Variants in POC1A observed in about 807,000 individuals in gnomAD.
The protein encoded by POC1A is POC1 centriolar protein homolog A.
In POC1A, 34 loss-of-function variants were observed where a neutral mutation model predicts 47.8. That is an observed-to-expected ratio of 0.71 (90% confidence interval 0.54 to 0.95). POC1A has a LOEUF of 0.95. Among genes scored for constraint, POC1A ranks in the 40% least tolerant of loss-of-function variants. POC1A has a pLI of 0.00. For missense variants in POC1A, 466 were observed against 528.3 expected, an observed-to-expected ratio of 0.88 and a Z score of 1.16; for synonymous variants, 177 against 207.6, an observed-to-expected ratio of 0.85 and a Z score of 1.27.
intron 10 of POC1A, among the ~76,000 whole-genome samples, chr3:52,081,162 G>C (rs1157054888): frequency 6.6e-6 from 1 of 152,166 alleles, no homozygotes; most frequent in Non-Finnish European, 1.5e-5. Context: ...TGTTTCTCTA[G>C]ACCAAGGGTT....
At chr3:52,132,654 G>C (rs1328241910) in intron 7 of POC1A, among the ~76,000 whole-genome samples, 1 of 152,160 alleles carries the variant, frequency 6.6e-6, no homozygotes, top group African/African-American at 2.4e-5. Flanking sequence ...CTGCAGGAGA[G>C]AAGCACCAGA....
chr3:52,139,386 A>G (rs1698102008), intron 6 of POC1A, among the ~76,000 whole-genome samples: 1 of 151,778 alleles, frequency 6.6e-6, no homozygotes, highest in Non-Finnish European at 1.5e-5. Flanking sequence ...GGCTAACCCC[A>G]CCATCTTTTC....
At chr3:52,081,937 A>C (rs1466280276) in intron 10 of POC1A, among the ~76,000 whole-genome samples, 1 of 152,084 alleles carries the variant, frequency 6.6e-6, no homozygotes, top group African/African-American at 2.4e-5. Context: ...GACGAGTTAG[A>C]TGGGGGTCTG....
At chr3:52,131,839 A>G (rs1424392120) in intron 7 of POC1A, among the ~76,000 whole-genome samples, 1 of 152,180 alleles carries the variant, frequency 6.6e-6, no homozygotes, top group African/African-American at 2.4e-5. Context: ...CCGAAGGTGC[A>G]CAGGAGAGGA....
At chr3:52,138,972 T>C (rs1177076678) in intron 6 of POC1A, among the ~76,000 whole-genome samples, 1 of 152,186 alleles carries the variant, frequency 6.6e-6, no homozygotes, top group East Asian at 1.9e-4. Flanking sequence ...TAGCTGAGAC[T>C]ACAGGTGTGC....
intron 9 of POC1A, among the ~76,000 whole-genome samples, chr3:52,115,744 C>A (rs966205011): frequency 1.3e-5 from 2 of 152,082 alleles, no homozygotes; most frequent in African/African-American, 4.8e-5. Flanking sequence ...GAAAACAAAC[C>A]CTCACCAGAC....
At chr3:52,136,061 T>G (rs892304318) in intron 7 of POC1A, among the ~76,000 whole-genome samples, 1 of 151,706 alleles carries the variant, frequency 6.6e-6, no homozygotes, top group Admixed American at 6.6e-5. Flanking sequence ...CCCTGGGCAA[T>G]TTGTCTTCCT....
intron 7 of POC1A, among the ~76,000 whole-genome samples, chr3:52,131,793 A>G (rs1361535167): frequency 6.6e-6 from 1 of 152,180 alleles, no homozygotes; most frequent in Non-Finnish European, 1.5e-5. Context: ...AACAACCCTA[A>G]GCAAAAGTAA....
At chr3:52,126,899 C>A (rs150637178) in intron 7 of POC1A, among the ~76,000 whole-genome samples, 3 of 152,352 alleles carry the variant, frequency 2.0e-5, no homozygotes, top group Non-Finnish European at 4.4e-5. Context: ...CACCTCCCAA[C>A]AACCCACACT....
chr3:52,106,245 G>A lies in POC1A; in HGVS notation c.982-9533C>T, dbSNP rs145572919. Among the ~76,000 whole-genome samples the A allele has an allele frequency of 2.6e-3, 390 of 150,784 alleles. 2 individuals are homozygous for A. The highest frequency in any genetic ancestry group is 9.1e-3 in the African/African-American group (374 of 41,016). ...GGGCCTGGAGGTCCACAGTCCACAC[G>A]GTAACCTCCAAAACCAAATCAAATG... is the stretch of plus-strand genomic sequence containing the variant. On this transcript the variant is annotated intron_variant, in intron 9 of 10. Transcript: ENST00000296484.
At chr3:52,078,919 G>T (rs967502737) in intron 10 of POC1A, among the ~76,000 whole-genome samples, 27 of 152,234 alleles carry the variant, frequency 1.8e-4, no homozygotes, top group African/African-American at 6.3e-4. Context: ...ACACACTCAG[G>T]GCTGGTGGCA....
At chr3:52,099,067 C>T (rs1702910912) in intron 9 of POC1A, among the ~76,000 whole-genome samples, 2 of 152,218 alleles carry the variant, frequency 1.3e-5, no homozygotes, top group African/African-American at 2.4e-5. Context: ...TCCTCTCCAA[C>T]GTCCCCATGG....
At chr3:52,132,902 C>T (rs1037462189) in intron 7 of POC1A, among the ~76,000 whole-genome samples, 3 of 151,970 alleles carry the variant, frequency 2.0e-5, no homozygotes, top group Non-Finnish European at 2.9e-5. Context: ...AAAAATTAGC[C>T]GGGCATGGTG....
At chr3:52,151,229 A>C (rs1698544700) in intron 1 of POC1A, 129 bp from the exon 2 acceptor site, 1 of 1,364,136 alleles carries the variant, frequency 7.3e-7, no homozygotes, top group Non-Finnish European at 9.7e-7. Context: ...TATATAAAGA[A>C]AATCCTAAGG....
intron 7 of POC1A, among the ~76,000 whole-genome samples, chr3:52,126,161 C>T (rs1703990743): frequency 6.6e-6 from 1 of 152,246 alleles, no homozygotes; most frequent in Admixed American, 6.5e-5. Context: ...TCCCCCCAGA[C>T]CAGTGCAGGG....
At chr3:52,152,448 T>C (rs1373650431) in intron 1 of POC1A, among the ~76,000 whole-genome samples, 1 of 151,978 alleles carries the variant, frequency 6.6e-6, no homozygotes, top group Non-Finnish European at 1.5e-5. Flanking sequence ...TGGGCGCCTA[T>C]AGTCCCAGCT....
intron 10 of POC1A, among the ~76,000 whole-genome samples, chr3:52,092,479 C>A (rs1025954014): frequency 6.6e-6 from 1 of 152,200 alleles, no homozygotes; most frequent in African/African-American, 2.4e-5. Flanking sequence ...CCAGGCACAA[C>A]AAGCCATTAT....
intron 7 of POC1A, among the ~76,000 whole-genome samples, chr3:52,133,101 G>A (rs1704296346): frequency 6.6e-6 from 1 of 152,148 alleles, no homozygotes; most frequent in Non-Finnish European, 1.5e-5. Flanking sequence ...GTTGGGAGGT[G>A]TGGCCTTTGG....
At chr3:52,111,368 C>T (rs548365900) in intron 9 of POC1A, among the ~76,000 whole-genome samples, 34 of 152,172 alleles carry the variant, frequency 2.2e-4, no homozygotes, top group African/African-American at 5.5e-4. Context: ...CTCTGCAGGC[C>T]GGGCACGGTG....
Sources: allele counts gnomAD v4.1 joint callset (sites outside exome capture counted in the v4.1 genomes callset), GRCh38; gene constraint gnomAD v4.1.1; transcripts MANE v1.5; gene names NCBI Gene and HGNC (gene_info 2026-07-23, HGNC 2026-07-21).